DCX: variants seen among roughly 807,000 people sequenced by gnomAD.
DCX encodes the protein neuronal migration protein doublecortin.
A neutral mutation model predicts 20.9 loss-of-function variants in DCX; 4 were observed. That is an observed-to-expected ratio of 0.19 (90% CI 0.09 to 0.44). DCX has a LOEUF of 0.44. DCX is among the 20% of genes least tolerant of loss of function. The pLI, the probability that DCX is intolerant of heterozygous loss-of-function variation, is 0.99. For synonymous variants in DCX, 103 were observed against 111.4 expected (o/e 0.92, Z 0.47); for missense variants, 133 against 296.9 (o/e 0.45, Z 4.06).
At chrX:111,371,686 T>C (rs1251477663) in intron 3 of DCX, among the ~76,000 whole-genome samples, 1 of 110,999 alleles carries the variant, frequency 9.0e-6, no homozygotes, top group Non-Finnish European at 1.9e-5. Context: ...TCTCTACTGT[T>C]AGATCTCCAT....
At chrX:111,387,904 G>A (rs1176344814) in intron 3 of DCX, among the ~76,000 whole-genome samples, 4 of 111,260 alleles carry the variant, frequency 3.6e-5, no homozygotes, top group African/African-American at 6.5e-5. Context: ...GAGAAGTATC[G>A]GCTTGGTGCA....
intron 3 of DCX, among the ~76,000 whole-genome samples, chrX:111,388,532 G>T (rs1926695311): frequency 8.9e-6 from 1 of 112,057 alleles, no homozygotes; most frequent in Non-Finnish European, 1.9e-5. Flanking sequence ...TTTAAGGTTT[G>T]GTGTTCAAAC....
At position 111,298,043 on chromosome X, in the gene DCX, G is replaced by GT. The variant is rs2095025444; in HGVS notation, c.*3643dup. On this transcript the variant is annotated 3_prime_UTR_variant, in exon 7 of 7. Coordinates refer to ENST00000636035, the MANE Select transcript of DCX (RefSeq NM_001195553.2). ...TTGCCAGTGAATGGTAGCCACACTA[G>GT]TTTTTTTAAAATGTTGAAAAGCCAT... 2 of 111,492 alleles carry GT rather than the reference G, an allele frequency of 1.8e-5. No homozygotes were observed. Among genetic ancestry groups the GT allele is most frequent in the Admixed American group, 9.5e-5 (1 of 10,498 alleles). The allele number at this position is 111,492 out of a possible 1,213,427, so 9.2% of individuals were successfully genotyped here. A position where few individuals can be genotyped will look rare whatever the true frequency, so the allele number is the denominator to read the frequency against.
intron 6 of DCX, among the ~76,000 whole-genome samples, chrX:111,306,284 T>C (rs2095045139): frequency 8.9e-6 from 1 of 111,764 alleles, no homozygotes; most frequent in Admixed American, 9.5e-5. Flanking sequence ...AAAATTGCTA[T>C]ACTGATGTCA....
intron 3 of DCX, among the ~76,000 whole-genome samples, chrX:111,372,316 G>A (rs1471051318): frequency 8.9e-6 from 1 of 111,877 alleles, no homozygotes; most frequent in Non-Finnish European, 1.9e-5. Flanking sequence ...CAAACAAAGG[G>A]TTGCTGGAAA....
intron 2 of DCX, among the ~76,000 whole-genome samples, chrX:111,407,786 C>T (rs1428985869): frequency 1.1e-5 from 1 of 93,770 alleles, no homozygotes; most frequent in African/African-American, 3.9e-5. Flanking sequence ...ACCAGCCCCT[C>T]GTGATACATC....
intron 6 of DCX, among the ~76,000 whole-genome samples, chrX:111,310,053 C>T (rs999723841): frequency 8.9e-6 from 1 of 112,576 alleles, no homozygotes. Flanking sequence ...AAAAAATAGG[C>T]CCAGTGCGGT....
rs918551081 is a variant in DCX at position 111,294,192 on chromosome X, T to A, written c.*7495A>T. On this transcript the variant is annotated 3_prime_UTR_variant, in exon 7 of 7. Transcript: ENST00000636035. ...TTTGAATCACAATTTCAGAGTAGGT[T>A]AGGTATTGCCTAGGACACTGATAGT... 1 of 112,102 alleles carries A rather than the reference T, an allele frequency of 8.9e-6. No individual in the cohort carries two copies. Among genetic ancestry groups the A allele is most frequent in the African/African-American group, 3.2e-5 (1 of 30,896 alleles). The allele number at this position is 112,102 out of a possible 1,213,427, so 9.2% of individuals were successfully genotyped here. A position where few individuals can be genotyped will look rare whatever the true frequency, so the allele number is the denominator to read the frequency against.
intron 3 of DCX, among the ~76,000 whole-genome samples, chrX:111,379,617 G>A (rs1043685650): frequency 9.0e-6 from 1 of 111,345 alleles, no homozygotes; most frequent in African/African-American, 3.3e-5. Flanking sequence ...TTCTTTCATC[G>A]ATGGGAATTT....
chrX:111,362,406 T>C (rs1380848915), intron 3 of DCX, among the ~76,000 whole-genome samples: 1 of 110,918 alleles, frequency 9.0e-6, no homozygotes, highest in Non-Finnish European at 1.9e-5. Context: ...AGTGTGTCTT[T>C]GTTTCAAATT....
chrX:111,333,115 C>T lies in DCX; in HGVS notation c.744G>A (p.Val248=), dbSNP rs1921411243. 3.3e-6 allele frequency: 4 copies of T among 1,210,542 alleles called. No homozygotes were observed. Among genetic ancestry groups the T allele is most frequent in the Non-Finnish European group, 4.5e-6 (4 of 894,681 alleles). The change falls in exon 4 of 7, where the codon GTG becomes GTA. Residue 248 remains valine (V), a synonymous_variant. Coordinates refer to ENST00000636035, the MANE Select transcript of DCX (RefSeq NM_001195553.2). ...CLHDFFGDDD[V]FIACGPEKFR... The stretch of plus-strand genomic sequence containing the variant: ...ATTTTTCAGGACCACAGGCAATAAA[C>T]ACATCATCATCACCAAAGAAATCAT...
chrX:111,411,369 C>T (rs181731313), intron 1 of DCX, among the ~76,000 whole-genome samples: 18 of 109,150 alleles, frequency 1.6e-4, no homozygotes, highest in African/African-American at 6.0e-4. Flanking sequence ...GCACACCTTT[C>T]ATTGTTCTGG....
At chrX:111,406,360 T>A (rs191086284) in intron 2 of DCX, among the ~76,000 whole-genome samples, 296 of 112,287 alleles carry the variant, frequency 2.6e-3, no homozygotes, top group Non-Finnish European at 4.5e-3. Context: ...ACTAACATAA[T>A]CATTGTCATA....
In DCX at chrX:111,331,143, A is replaced by G. The variant is rs958171246; in HGVS notation, c.809-102T>C. On this transcript the variant is annotated intron_variant, in intron 4 of 6. Transcript: ENST00000636035. ...TAACCATCACAGGCCAAAGGACCTA[A>G]ATGGGTCAGGACTACAATGTGGTCC... The G allele has an allele frequency of 1.1e-5, 11 of 966,313 alleles. No homozygotes were observed. In the African/African-American group the frequency reaches 1.7e-4, roughly 15 times the overall value. The allele number at this position is 966,313 out of a possible 1,213,427, so 79.6% of individuals were successfully genotyped here. A position where few individuals can be genotyped will look rare whatever the true frequency, so the allele number is the denominator to read the frequency against.
rs1345644930 is a variant in DCX at position 111,296,516 on chromosome X, G to A, written c.*5171C>T. The A allele has an allele frequency of 3.6e-5, 4 of 111,297 alleles. No homozygotes were observed. Among genetic ancestry groups the A allele is most frequent in the African/African-American group, 6.6e-5 (2 of 30,496 alleles). The allele number at this position is 111,297 out of a possible 1,213,427, so 9.2% of individuals were successfully genotyped here. On this transcript the variant is annotated 3_prime_UTR_variant, in exon 7 of 7. Transcript: ENST00000636035. ...GCCTGTAATCCCAGCACTTTGGGAG[G>A]CCGAGGTGGGCAGATAATTTGAGGC...
Position 111,331,572 on chromosome X carries a change from A to C in DCX, c.809-531T>G, listed in dbSNP as rs1023748846. Among the ~76,000 whole-genome samples, 3 of 111,887 alleles carry C rather than the reference A, an allele frequency of 2.7e-5. No individual in the cohort carries two copies. In the Admixed American group the frequency reaches 2.8e-4, roughly 11 times the overall value. On this transcript the variant is annotated intron_variant, in intron 4 of 6. Transcript: ENST00000636035. The stretch of plus-strand genomic sequence containing the variant: ...TGACCACCACCATCTTGCATTTATC[A>C]AGTTCTTTTCGATTTCCCATGTATG...
At chrX:111,354,339 A>G (rs1923563715) in intron 3 of DCX, among the ~76,000 whole-genome samples, 1 of 111,729 alleles carries the variant, frequency 9.0e-6, no homozygotes, top group Non-Finnish European at 1.9e-5. Context: ...TTCTGTCTCT[A>G]TCTCCCTATA....
intron 3 of DCX, among the ~76,000 whole-genome samples, chrX:111,398,015 C>G (rs1927469972): frequency 9.1e-6 from 1 of 110,497 alleles, no homozygotes; most frequent in African/African-American, 3.3e-5. Context: ...TAAGGCAAAC[C>G]TTATTTGCCC....
chrX:111,381,030 C>T (rs768074211), intron 3 of DCX, among the ~76,000 whole-genome samples: 1 of 110,762 alleles, frequency 9.0e-6, no homozygotes, highest in South Asian at 3.8e-4. Context: ...ATGACTAAAA[C>T]CCAGGTATTT....
Sources: allele counts gnomAD v4.1 joint callset (sites outside exome capture counted in the v4.1 genomes callset), GRCh38; gene constraint gnomAD v4.1.1; transcripts MANE v1.5; gene names NCBI Gene and HGNC (gene_info 2026-07-23, HGNC 2026-07-21).